The following KDM5A variants were observed in gnomAD, a reference collection of about 807,000 sequenced individuals.
KDM5A encodes lysine-specific demethylase 5A.
In KDM5A, 42 loss-of-function variants were observed where a neutral mutation model predicts 193.5. The observed-to-expected ratio is 0.22, with a 90% CI of 0.17 to 0.28. The LOEUF (loss-of-function observed/expected upper bound fraction) is 0.28, where lower values mean the gene tolerates loss of function less well. KDM5A is among the 10% of genes least tolerant of loss of function. KDM5A has a pLI of 1.00. For missense variants in KDM5A, 1,692 were observed against 2,055.1 expected (o/e 0.82, Z 3.42); for synonymous variants, 796 against 718.1 (o/e 1.11, Z -1.73).
At chr12:322,030 G>C (rs1943723755) in intron 17 of KDM5A, among the ~76,000 whole-genome samples, 1 of 152,124 alleles carries the variant, frequency 6.6e-6, no homozygotes, top group Non-Finnish European at 1.5e-5. Flanking sequence ...AGAAGGGTAA[G>C]AGGACTGCAA....
intron 24 of KDM5A, among the ~76,000 whole-genome samples, chr12:299,955 G>C (rs1005880483): frequency 7.9e-6 from 1 of 126,970 alleles, no homozygotes; most frequent in African/African-American, 3.2e-5. Context: ...ATTACATAAT[G>C]GTAAAGGGAT....
chr12:288,243 T>C (rs1180027206), intron 27 of KDM5A, among the ~76,000 whole-genome samples: 3 of 152,222 alleles, frequency 2.0e-5, no homozygotes, highest in African/African-American at 7.2e-5. Context: ...ACAGACTATG[T>C]AGTATCCTGA....
intron 19 of KDM5A, among the ~76,000 whole-genome samples, chr12:314,120 T>C (rs1043637642): frequency 2.0e-5 from 3 of 152,168 alleles, no homozygotes; most frequent in Admixed American, 1.3e-4. Flanking sequence ...TCATCATCCA[T>C]GAATCCTACT....
intron 3 of KDM5A, among the ~76,000 whole-genome samples, chr12:366,644 A>AAC (rs1944360222): frequency 6.6e-6 from 1 of 152,208 alleles, no homozygotes; most frequent in Admixed American, 6.5e-5. Context: ...GGAACACTGA[A>AAC]AAAGATTAGG....
chr12:352,259 G>A lies in KDM5A; in HGVS notation c.1095C>T (p.Ser365=), dbSNP rs780759848. Residue 365 remains serine (S), a synonymous_variant, in exon 9 of 28, where the codon AGC becomes AGT. Coordinates refer to ENST00000399788, the MANE Select transcript of KDM5A (RefSeq NM_001042603.3). ...EQAVREYTLQ[S]FGEMADNFKS... is the part of the protein sequence containing the mutation. ...TAAAATTATCTGCCATCTCTCCAAA[G>A]CTCTGAAGTGTATACTCTCGTACAG... 5 of 1,612,008 alleles carry A rather than the reference G, an allele frequency of 3.1e-6. No individual in the cohort carries two copies. Among genetic ancestry groups the A allele is most frequent in the Non-Finnish European group, 4.2e-6 (5 of 1,178,306 alleles).
chr12:308,076 C>T (rs988774993), intron 22 of KDM5A, 71 bp from the exon 23 acceptor site: 21 of 1,494,934 alleles, frequency 1.4e-5, no homozygotes, highest in Non-Finnish European at 1.9e-5. Context: ...ATCCTCAAGG[C>T]TGTGGGATCT....
rs775874981 is a variant in KDM5A at position 285,637 on chromosome 12, C to T, written c.4892G>A (p.Gly1631Asp). The T allele has an allele frequency of 2.3e-5, 37 of 1,613,848 alleles. 1 individual carries two copies. The South Asian group carries it at 4.1e-4, about 18-fold the overall frequency. The change falls in exon 28 of 28, where the codon GGC becomes GAC. Residue 1631 changes from glycine to aspartate, a missense_variant. Coordinates refer to ENST00000399788, the MANE Select transcript of KDM5A (RefSeq NM_001042603.3). ...AACTTGATGAAACCACTCATCACAG[C>T]CACCATCACATTGTACCCAGTCTAC... ...DKVDWVQCDG[G>D]CDEWFHQVCV...
chr12:308,238 G>A (rs578072758), intron 22 of KDM5A, among the ~76,000 whole-genome samples: 2 of 152,160 alleles, frequency 1.3e-5, no homozygotes, highest in East Asian at 1.9e-4. Context: ...TGTAGGGTGC[G>A]GTACAAAGAT....
chr12:318,347 CAT>C lies in KDM5A; in HGVS notation c.2654_2655del (p.Tyr885CysfsTer5). ...AGTCGTGGTAATTCAGGGAGTTCCACATAGAGACTAGAGCCCATATCTATCAA... is the reference window on the plus strand; with the variant it reads ...AGTCGTGGTAATTCAGGGAGTTCCACAGAGACTAGAGCCCATATCTATCAA... ...QMLIDMGSSL[Y>X]VELPELPRLK... On this transcript the variant is annotated frameshift_variant, in exon 19 of 28. Transcript: ENST00000399788. LOFTEE classifies it high-confidence loss of function. 3 of 1,614,160 alleles carry C rather than the reference CAT, an allele frequency of 1.9e-6. No individual in the cohort carries two copies. The highest frequency in any genetic ancestry group is 1.7e-6 in the Non-Finnish European group (2 of 1,180,016).
At chr12:311,115 G>C in intron 20 of KDM5A, 51 bp from the exon 21 acceptor site, 1 of 1,544,326 alleles carries the variant, frequency 6.5e-7, no homozygotes, top group Non-Finnish European at 8.9e-7. Flanking sequence ...ATGGGGTTTG[G>C]CAATATACTG....
In KDM5A at chr12:380,888, C is replaced by T. The variant is rs149039450; in HGVS notation, c.366+3143G>A. Among the ~76,000 whole-genome samples, 1,271 of 152,170 alleles carry T rather than the reference C, an allele frequency of 8.4e-3. 20 individuals are homozygous for T. Among genetic ancestry groups the T allele is most frequent in the African/African-American group, 0.029 (1,211 of 41,506 alleles). On this transcript the variant is annotated intron_variant, in intron 3 of 27. Transcript: ENST00000399788. ...TCAACTCACTGCAACCTCTGCCTCC[C>T]GGTTTCAAGTGATTTCCTACCTCAG... is the stretch of plus-strand genomic sequence containing the variant.
At chr12:357,178 G>A (rs1463687505) in intron 5 of KDM5A, among the ~76,000 whole-genome samples, 1 of 152,064 alleles carries the variant, frequency 6.6e-6, no homozygotes, top group Non-Finnish European at 1.5e-5. Flanking sequence ...CTACTTGGGA[G>A]GCTGAGGCTG....
chr12:301,154 G>A (rs1264490082), intron 24 of KDM5A, among the ~76,000 whole-genome samples: 1 of 152,138 alleles, frequency 6.6e-6, no homozygotes, highest in Non-Finnish European at 1.5e-5. Flanking sequence ...CAGAAAAAGA[G>A]GGAATCCTCC....
chr12:358,671 T>C (rs1057308491), intron 5 of KDM5A, among the ~76,000 whole-genome samples: 3 of 152,114 alleles, frequency 2.0e-5, no homozygotes, highest in Non-Finnish European at 4.4e-5. Flanking sequence ...ATTTTAACTC[T>C]CTACTTAAAA....
chr12:313,109 T>C lies in KDM5A; in HGVS notation c.2983A>G (p.Lys995Glu). 1.2e-6 allele frequency: 2 copies of C among 1,614,186 alleles called. No individual in the cohort carries two copies. The highest frequency in any genetic ancestry group is 1.7e-6 in the Non-Finnish European group (2 of 1,180,000). The change falls in exon 20 of 28, where the codon AAA becomes GAA. Residue 995 changes from lysine to glutamate, a missense_variant. Transcript: ENST00000399788. Reference protein sequence around the residue: ...PAFLPNVLSLKEALQKAREWT... With the variant: ...PAFLPNVLSLEEALQKAREWT... The stretch of plus-strand genomic sequence containing the variant: ...TCTCGAGCCTTTTGTAAGGCTTCTT[T>C]CAAGGACAACACATTGGGTAGAAAG...
intron 19 of KDM5A, among the ~76,000 whole-genome samples, chr12:316,284 TTCTC>T (rs377514603): frequency 1.6e-4 from 24 of 151,496 alleles, no homozygotes; most frequent in African/African-American, 2.7e-4. Flanking sequence ...ATTCATTTAT[TTCTC>T]TCTCTCTCTC....
chr12:386,098 T>C, intron 1 of KDM5A, 124 bp from the exon 2 acceptor site: 1 of 699,984 alleles, frequency 1.4e-6, no homozygotes, highest in Non-Finnish European at 2.5e-6. Context: ...CAAGTCTTCT[T>C]TATTATAGAG....
Position 354,092 on chromosome 12 carries a change from G to C in KDM5A, c.1013C>G (p.Pro338Arg), listed in dbSNP as rs774258952. ...GACGTGTACCTCGGCGACACATTTA[G>C]GACACCTCCAGTCTCCTTTGGGCAC... ...PDVPKGDWRC[P>R]KCVAEECSKP... The change falls in exon 8 of 28, where the codon CCT becomes CGT. Residue 338 changes from proline (P) to arginine (R), a missense_variant. Transcript: ENST00000399788. 1 of 1,613,750 alleles carries C rather than the reference G, an allele frequency of 6.2e-7. No homozygotes were observed. Among genetic ancestry groups the C allele is most frequent in the Non-Finnish European group, 8.5e-7 (1 of 1,179,806 alleles).
intron 14 of KDM5A, among the ~76,000 whole-genome samples, chr12:325,714 T>C (rs1371798353): frequency 6.7e-5 from 10 of 148,860 alleles, no homozygotes; most frequent in African/African-American, 2.2e-4. Flanking sequence ...AGGTAACATA[T>C]AACTATGAAG....
Sources: gnomAD v4.1 joint callset for allele counts (sites outside exome capture counted in the v4.1 genomes callset) on GRCh38, gnomAD v4.1.1 for gene constraint, MANE v1.5 for transcripts, NCBI Gene and HGNC (gene_info 2026-07-23, HGNC 2026-07-21) for gene names.